Variants in POM121C observed in about 807,000 individuals in gnomAD.
The protein encoded by POM121C is nuclear envelope pore membrane protein POM 121C.
POM121C carries 20 observed loss-of-function variants against 66.4 expected under a neutral mutation model. The ratio of observed to expected loss-of-function variants is 0.30; its 90% CI spans 0.21 to 0.44. The LOEUF is 0.44. POM121C is among the 20% of genes least tolerant of loss of function. The probability of loss-of-function intolerance (pLI) is 1.00; values close to 1 mark genes in which losing one functional copy is unlikely to be tolerated. For missense variants in POM121C, 580 were observed against 1,225.7 expected, an observed-to-expected ratio of 0.47 and a Z score of 7.87; for synonymous variants, 286 against 528.0, an observed-to-expected ratio of 0.54 and a Z score of 6.28.
chr7:75,455,910 A>G (rs1389510962), intron 3 of POM121C, among the ~76,000 whole-genome samples: 1 of 152,106 alleles, frequency 6.6e-6, no homozygotes, highest in Non-Finnish European at 1.5e-5. Context: ...GCGAGCACTC[A>G]CTAAAGGTGT....
At chr7:75,424,498 C>G (rs782306075) in intron 11 of POM121C, 28 bp downstream of exon 11, 2 of 1,610,350 alleles carry the variant, frequency 1.2e-6, no homozygotes, top group Non-Finnish European at 1.7e-6. Context: ...TGAAACCTCT[C>G]GAGAGTGCAA....
intron 7 of POM121C, among the ~76,000 whole-genome samples, chr7:75,434,581 G>A (rs1790332276): frequency 1.1e-5 from 1 of 92,894 alleles, no homozygotes; most frequent in African/African-American, 4.4e-5. Flanking sequence ...CGCTCAGCTA[G>A]CTTTTTTTTT....
Position 75,416,889 on chromosome 7 carries a change from T to G in POM121C, c.*1907A>C. 1.4e-6 allele frequency: 2 copies of G among 1,436,796 alleles called. No homozygotes were observed. Among genetic ancestry groups the G allele is most frequent in the Non-Finnish European group, 1.8e-6 (2 of 1,100,072 alleles). 89.0% of individuals were successfully genotyped at this position (1,436,796 alleles called of 1,614,324 possible). On this transcript the variant is annotated 3_prime_UTR_variant, in exon 15 of 15. Coordinates refer to ENST00000615331, the MANE Select transcript of POM121C (RefSeq NM_001099415.3). ...GACTCAACAGGAATGAAGTCTCTAT[T>G]TGTAATGGAAAGTCCCAGCCTCCCG...
intron 6 of POM121C, among the ~76,000 whole-genome samples, chr7:75,438,689 T>G (rs12532096): frequency 0.025 from 3,883 of 152,336 alleles, 61 homozygotes; most frequent in Middle Eastern, 0.085. Flanking sequence ...GCACTTTAGC[T>G]TTCCTGGTGG....
chr7:75,439,115 G>GT (rs781986644), intron 6 of POM121C, 29 bp downstream of exon 6: 182 of 1,611,828 alleles, frequency 1.1e-4, no homozygotes, highest in Non-Finnish European at 1.4e-4. Context: ...CAAACAGTTG[G>GT]TATTTCATCT....
chr7:75,471,303 G>A, intron 3 of POM121C, among the ~76,000 whole-genome samples: 1 of 152,024 alleles, frequency 6.6e-6, no homozygotes, highest in Non-Finnish European at 1.5e-5. Flanking sequence ...CTGCCTCCTG[G>A]GTTCAAGTGA....
intron 3 of POM121C, among the ~76,000 whole-genome samples, chr7:75,443,993 T>G (rs1310506018): frequency 2.8e-5 from 2 of 71,440 alleles, no homozygotes; most frequent in Non-Finnish European, 6.0e-5. Context: ...GGCAGGGAAG[T>G]GCTCCTGGAG....
At chr7:75,440,567 C>CAAAAAA (rs370237046) in intron 5 of POM121C, 1 of 155,150 alleles carries the variant, frequency 6.4e-6, no homozygotes. Context: ...GACTCCAACT[C>CAAAAAA]AAAAAAAAAA....
chr7:75,431,792 A>G (rs1554472398), intron 7 of POM121C, among the ~76,000 whole-genome samples: 1 of 151,796 alleles, frequency 6.6e-6, no homozygotes, highest in Non-Finnish European at 1.5e-5. Flanking sequence ...CTCTATTAAA[A>G]GTTTTAAAAT....
rs781854502 is a variant in POM121C at position 75,441,022 on chromosome 7, C to T, written c.159G>A (p.Glu53=). The change falls in exon 5 of 15, where the codon GAG becomes GAA. Residue 53 remains glutamate (E), a synonymous_variant. Coordinates refer to ENST00000615331, the MANE Select transcript of POM121C (RefSeq NM_001099415.3). The part of the protein sequence containing the change: ...AKETVLSALK[E]KKKKRTVEEE... ...CCTCCACTGTCCTTTTCTTCTTCTT[C>T]TCTTTGAGGGCACTCAGTACAGTCT... The T allele has an allele frequency of 3.1e-6, 5 of 1,613,824 alleles. No homozygotes were observed. Among genetic ancestry groups the T allele is most frequent in the Non-Finnish European group, 4.2e-6 (5 of 1,179,846 alleles).
In POM121C at chr7:75,421,506, T is replaced by C. The variant is rs1789705332; in HGVS notation, c.2743+3A>G. The C allele has an allele frequency of 3.1e-6, 5 of 1,611,180 alleles. No individual in the cohort carries two copies. Among genetic ancestry groups the C allele is most frequent in the Non-Finnish European group, 4.2e-6 (5 of 1,179,674 alleles). ...GGTAGCCCAAGTCCACGCCCCTCCT[T>C]ACCTCCAAACACAGGTTTGCTCTCA... On this transcript the variant is annotated splice_donor_region_variant and intron_variant, in intron 13 of 14. Transcript: ENST00000615331.
At position 75,483,223 on chromosome 7, in the gene POM121C, A is replaced by G. The variant is rs372294737; in HGVS notation, c.-458+2641T>C. Among the ~76,000 whole-genome samples the G allele has an allele frequency of 8.9e-4, 136 of 152,344 alleles. 3 individuals are homozygous for G. The South Asian group carries it at 0.027, about 31-fold the overall frequency. ...GCACCAAGAATAAGCCATAAGTTAC[A>G]GTAATTTAATGGTTGTTGTTAGGAA... On this transcript the variant is annotated intron_variant, in intron 1 of 14. Transcript: ENST00000615331.
At chr7:75,439,931 A>G (rs1397553043) in intron 5 of POM121C, among the ~76,000 whole-genome samples, 4 of 147,256 alleles carry the variant, frequency 2.7e-5, no homozygotes, top group Non-Finnish European at 6.0e-5. Flanking sequence ...CCCAGGCTAG[A>G]GTGCACTGGC....
intron 3 of POM121C, among the ~76,000 whole-genome samples, chr7:75,471,935 G>T (rs1554478699): frequency 6.6e-6 from 1 of 151,998 alleles, no homozygotes; most frequent in Non-Finnish European, 1.5e-5. Flanking sequence ...GCCCAGGCTG[G>T]AGTGCAGCGG....
intron 3 of POM121C, among the ~76,000 whole-genome samples, chr7:75,463,637 AG>A (rs1791524558): frequency 6.6e-6 from 1 of 151,860 alleles, no homozygotes; most frequent in African/African-American, 2.4e-5. Context: ...AAGCAAACCC[AG>A]GGGTGGTGGG....
At chr7:75,481,402 C>T (rs1368637388) in intron 1 of POM121C, among the ~76,000 whole-genome samples, 4 of 152,090 alleles carry the variant, frequency 2.6e-5, no homozygotes, top group Non-Finnish European at 5.9e-5. Context: ...GAAATATTTA[C>T]TATCTGTTTA....
rs1169529018 is a variant in POM121C at position 75,424,900 on chromosome 7, C to T, written c.768+174G>A. 3.0e-4 allele frequency: 428 copies of T among 1,413,396 alleles called. 2 individuals carry two copies. Among genetic ancestry groups the T allele is most frequent in the Middle Eastern group, 1.8e-3 (7 of 3,840 alleles). 87.6% of individuals were successfully genotyped at this position (1,413,396 alleles called of 1,614,324 possible). On this transcript the variant is annotated intron_variant, in intron 10 of 14. Transcript: ENST00000615331. ...GCTTGAACTCAGGAGGCAGAGGTTA[C>T]GGTTAGCCAAAATCGAGCCACTGAA...
intron 3 of POM121C, among the ~76,000 whole-genome samples, chr7:75,463,795 C>T (rs1279513747): frequency 6.6e-6 from 1 of 152,084 alleles, no homozygotes; most frequent in East Asian, 1.9e-4. Context: ...CTGGTTCAAG[C>T]AATTCCCCTG....
In POM121C at chr7:75,421,927, A is replaced by G; in HGVS notation, c.2325T>C (p.Phe775=). ...PTFGGATHSA[F]GLKATASAFG... ...AGGCGGAAGCCGTGGCTTTCAATCC[A>G]AACGCCGAGTGCGTGGCACCGCCAA... Residue 775 remains phenylalanine (F), a synonymous_variant, in exon 13 of 15, where the codon TTT becomes TTC. Coordinates refer to ENST00000615331, the MANE Select transcript of POM121C (RefSeq NM_001099415.3). 1 of 1,613,454 alleles carries G rather than the reference A, an allele frequency of 6.2e-7. No homozygotes were observed.
Sources: allele counts gnomAD v4.1 joint callset (sites outside exome capture counted in the v4.1 genomes callset), GRCh38; gene constraint gnomAD v4.1.1; transcripts MANE v1.5; gene names NCBI Gene and HGNC (gene_info 2026-07-23, HGNC 2026-07-21).